ABCA13: variants seen among roughly 807,000 people sequenced by gnomAD.
The protein encoded by ABCA13 is ATP binding cassette subfamily A member 13, also known as ATP-binding cassette sub-family A member 13.
A neutral mutation model predicts 478.7 loss-of-function variants in ABCA13; 476 were observed. The ratio of observed to expected loss-of-function variants is 0.99; its 90% CI spans 0.92 to 1.07. The LOEUF (loss-of-function observed/expected upper bound fraction) is 1.07, where lower values mean the gene tolerates loss of function less well. Ranked by LOEUF, ABCA13 falls within the 50% of genes least tolerant of loss-of-function variation. ABCA13 has a pLI of 0.00. For synonymous variants in ABCA13, 2,252 were observed against 2,158.9 expected (o/e 1.04, Z -1.20); for missense variants, 6,060 against 5,910.6 (o/e 1.03, Z -0.83).
intron 38 of ABCA13, among the ~76,000 whole-genome samples, chr7:48,397,319 C>T (rs1200182231): frequency 6.6e-6 from 1 of 152,078 alleles, no homozygotes; most frequent in Non-Finnish European, 1.5e-5. Context: ...ATGCATCAAT[C>T]CTCAGTTTTA....
intron 50 of ABCA13, among the ~76,000 whole-genome samples, chr7:48,509,244 C>T (rs951550312): frequency 2.0e-5 from 3 of 152,240 alleles, no homozygotes; most frequent in Admixed American, 2.0e-4. Flanking sequence ...AGTGACTTGT[C>T]CAAGATTTTA....
chr7:48,281,403 G>A lies in ABCA13; in HGVS notation c.8787G>A (p.Met2929Ile). 1.2e-6 allele frequency: 2 copies of A among 1,609,312 alleles called. No homozygotes were observed. Among genetic ancestry groups the A allele is most frequent in the African/African-American group, 1.3e-5 (1 of 74,986 alleles). The change falls in exon 19 of 62, where the codon ATG becomes ATA. Residue 2929 changes from methionine to isoleucine, a missense_variant. Met to Ile is a conservative substitution (Grantham distance 10). Transcript: ENST00000435803. ...TGAAGCCCTCAGAAGCCATGGAGAT[G>A]CTGCAGAAAGTGAAGATGATGGTCG... ...QTVKPSEAME[M>I]LQKVKMMVVR...
chr7:48,249,797 T>C (rs1792260392), intron 15 of ABCA13, among the ~76,000 whole-genome samples: 1 of 152,194 alleles, frequency 6.6e-6, no homozygotes, highest in Admixed American at 6.5e-5. Context: ...CACTCAACAC[T>C]TCCAACACTG....
Position 48,519,810 on chromosome 7 carries a change from A to G in ABCA13, c.13798-231A>G, listed in dbSNP as rs747516320. On this transcript the variant is annotated intron_variant, in intron 52 of 61. Transcript: ENST00000435803. ...TTCCTTAAAAGTAGATGTAAAAATC[A>G]TCACTGTTCTCAAGCAAGAAAACCT... Among the ~76,000 whole-genome samples, 5 of 152,192 alleles carry G rather than the reference A, an allele frequency of 3.3e-5. No homozygotes were observed. In the East Asian group the frequency reaches 5.8e-4, roughly 18 times the overall value.
intron 35 of ABCA13, among the ~76,000 whole-genome samples, chr7:48,383,287 CAT>C (rs1467582029): frequency 6.6e-6 from 1 of 152,184 alleles, no homozygotes; most frequent in African/African-American, 2.4e-5. Flanking sequence ...TGTACATGTA[CAT>C]GTGTGCATGT....
chr7:48,373,309 A>G (rs993026698), intron 33 of ABCA13, among the ~76,000 whole-genome samples: 19 of 152,220 alleles, frequency 1.2e-4, no homozygotes, highest in Admixed American at 9.2e-4. Context: ...AGTCCAGCAC[A>G]GGATTCATGA....
At chr7:48,341,370 C>T (rs1226329257) in intron 29 of ABCA13, among the ~76,000 whole-genome samples, 1 of 152,130 alleles carries the variant, frequency 6.6e-6, no homozygotes. Flanking sequence ...ATTCTCTGCT[C>T]TGCTCTCCTG....
At chr7:48,384,413 G>C (rs1399507155) in intron 35 of ABCA13, among the ~76,000 whole-genome samples, 1 of 152,230 alleles carries the variant, frequency 6.6e-6, no homozygotes, top group African/African-American at 2.4e-5. Context: ...TAGAGGAGAG[G>C]CTAACCAGTG....
At chr7:48,179,263 G>T (rs1420098033) in intron 1 of ABCA13, among the ~76,000 whole-genome samples, 5 of 152,166 alleles carry the variant, frequency 3.3e-5, no homozygotes, top group African/African-American at 1.2e-4. Flanking sequence ...TGTATTGGAG[G>T]CCGCGGCTAT....
At chr7:48,573,352 A>AT (rs1296791851) in intron 55 of ABCA13, among the ~76,000 whole-genome samples, 1 of 151,020 alleles carries the variant, frequency 6.6e-6, no homozygotes, top group Non-Finnish European at 1.5e-5. Flanking sequence ...TTATTTATTT[A>AT]TTTTTTTAAG....
chr7:48,341,858 T>TATATATATATATATATCTTTCTG lies in ABCA13; in HGVS notation c.10204+3417_10204+3418insATCTTTCTGATATATATATATAT, dbSNP rs1563084551. On this transcript the variant is annotated intron_variant, in intron 29 of 61. Coordinates refer to ENST00000435803, the MANE Select transcript of ABCA13 (RefSeq NM_152701.5). ...GATATATATATATATATCTTTCTGA[T>TATATATATATATATATCTTTCTG]ATATATATATATATCTTTCTGATAT... Among the ~76,000 whole-genome samples, 283 of 86,702 alleles carry TATATATATATATATATCTTTCTG rather than the reference T, an allele frequency of 3.3e-3. 9 individuals are homozygous for TATATATATATATATATCTTTCTG. The highest frequency in any genetic ancestry group is 0.012 in the African/African-American group (260 of 22,338). The allele number at this position is 86,702 out of a possible 152,430, so 56.9% of individuals were successfully genotyped here. A position where few individuals can be genotyped will look rare whatever the true frequency, so the allele number is the denominator to read the frequency against.
intron 48 of ABCA13, among the ~76,000 whole-genome samples, chr7:48,504,541 G>T (rs950423542): frequency 2.0e-5 from 3 of 151,974 alleles, no homozygotes; most frequent in Admixed American, 6.6e-5. Flanking sequence ...TTGCCCCAGG[G>T]TGTGTGTGTG....
rs200969547 is a variant in ABCA13, at chr7:48,298,453, A to G, written c.9287A>G (p.His3096Arg). Residue 3096 changes from histidine to arginine, a missense_variant, in exon 23 of 62, where the codon CAT becomes CGT. His to Arg is a conservative substitution (Grantham distance 29). This residue lies in a region of ABCA13 where 4,423 missense variants were observed against 4,309.1 expected (regional missense o/e 1.03). Transcript: ENST00000435803. ...ATCCAAATCTCGAATGAGACTATCC[A>G]TAGCATTCTAGAAGCAAATATTTCC... ...SSIQISNETI[H>R]SILEANISHS... is the part of the protein sequence containing the mutation. The G allele has an allele frequency of 3.2e-5, 51 of 1,613,504 alleles. No individual in the cohort carries two copies. In the African/African-American group the frequency reaches 6.1e-4, roughly 19 times the overall value.
rs946646889 is a variant in ABCA13, at chr7:48,391,957, A to G, written c.11691A>G (p.Gly3897=). Reference sequence around the variant, plus strand: ...CGGGGCTCCACCCTCCCACTTCTGGAACCATCATCATCAATGGCAAGAACC... The same window carrying G: ...CGGGGCTCCACCCTCCCACTTCTGGGACCATCATCATCAATGGCAAGAACC... ...MLTGLHPPTS[G]TIIINGKNLQ... is the part of the protein sequence containing the mutation. The change falls in exon 38 of 62, where the codon GGA becomes GGG. Residue 3897 remains glycine (G), a synonymous_variant. Transcript: ENST00000435803. The G allele has an allele frequency of 6.2e-7, 1 of 1,613,846 alleles. No homozygotes were observed. The highest frequency in any genetic ancestry group is 8.5e-7 in the Non-Finnish European group (1 of 1,179,880).
chr7:48,184,779 C>T (rs1239009646), intron 1 of ABCA13, among the ~76,000 whole-genome samples: 7 of 152,154 alleles, frequency 4.6e-5, no homozygotes, highest in Non-Finnish European at 5.9e-5. Flanking sequence ...GAGATTGCAC[C>T]ACTGCACTTC....
intron 13 of ABCA13, 53 bp from the exon 14 acceptor site, chr7:48,248,186 C>T (rs1791993237): frequency 2.0e-6 from 3 of 1,468,126 alleles, no homozygotes; most frequent in Non-Finnish European, 2.8e-6. Context: ...TCTCAAATAC[C>T]CACATCTGAA....
intron 1 of ABCA13, among the ~76,000 whole-genome samples, chr7:48,177,014 T>A (rs1033582483): frequency 1.3e-5 from 2 of 152,194 alleles, no homozygotes; most frequent in Admixed American, 6.5e-5. Flanking sequence ...TGAAATCAGG[T>A]GCTAAAAACT....
intron 45 of ABCA13, among the ~76,000 whole-genome samples, chr7:48,474,914 A>G (rs4917157): frequency 0.61 from 93,362 of 152,136 alleles, 29,602 homozygotes; most frequent in African/African-American, 0.79. Flanking sequence ...CAACTCACAT[A>G]AACTATGAGA....
At chr7:48,602,400 A>G (rs1304423267) in intron 58 of ABCA13, among the ~76,000 whole-genome samples, 3 of 152,170 alleles carry the variant, frequency 2.0e-5, no homozygotes, top group African/African-American at 7.2e-5. Flanking sequence ...TAATTTTCCT[A>G]TAAGGTGTAA....
Sources: gnomAD v4.1 joint callset for allele counts (sites outside exome capture counted in the v4.1 genomes callset) on GRCh38, gnomAD v4.1.1 for gene constraint, gnomAD v4.1.1 regional missense constraint, MANE v1.5 for transcripts, NCBI Gene and HGNC (gene_info 2026-07-23, HGNC 2026-07-21) for gene names.